The following MBD5 variants were observed in gnomAD, a reference collection of about 807,000 sequenced individuals.
The protein encoded by MBD5 is methyl-CpG-binding domain protein 5.
A neutral mutation model predicts 117.3 loss-of-function variants in MBD5; 13 were observed. That is an observed-to-expected ratio of 0.11 (90% CI 0.07 to 0.18). The LOEUF (loss-of-function observed/expected upper bound fraction) is 0.18. MBD5 is among the 10% of genes least tolerant of loss of function. MBD5 has a pLI of 1.00. For missense variants in MBD5, 1,879 were observed against 2,093.8 expected (o/e 0.90, Z 2.00); for synonymous variants, 727 against 766.4 (o/e 0.95, Z 0.85).
intron 1 of MBD5, among the ~76,000 whole-genome samples, chr2:148,040,545 A>T (rs953542318): frequency 1.3e-5 from 2 of 152,214 alleles, no homozygotes; most frequent in African/African-American, 4.8e-5. Flanking sequence ...TCATTAATTC[A>T]TAATAAGGCA....
chr2:148,151,437 C>T (rs1697663296), intron 1 of MBD5, among the ~76,000 whole-genome samples: 1 of 152,224 alleles, frequency 6.6e-6, no homozygotes, highest in Non-Finnish European at 1.5e-5. Flanking sequence ...GCTTTGGTAT[C>T]AGAATGATGC....
In MBD5 at chr2:148,470,370, C is replaced by T. The variant is rs1680755334; in HGVS notation, c.2427C>T (p.Pro809=). The change falls in exon 8 of 14, where the codon CCC becomes CCT. Residue 809 remains proline (P), a synonymous_variant. Coordinates refer to ENST00000642680, the MANE Select transcript of MBD5 (RefSeq NM_001378120.1). ...SGMALGNSLH[P]NPPQSRISTS... is the part of the protein sequence containing the mutation. ...TGGCTTTAGGAAATTCCTTACATCC[C>T]AATCCACCTCAGTCAAGAATTTCAA... is the stretch of plus-strand genomic sequence containing the variant. The T allele has an allele frequency of 2.5e-6, 4 of 1,613,706 alleles. No individual in the cohort carries two copies. In the East Asian group the frequency reaches 6.7e-5, roughly 27 times the overall value.
intron 3 of MBD5, among the ~76,000 whole-genome samples, chr2:148,281,999 C>T (rs957136956): frequency 7.2e-5 from 11 of 152,274 alleles, no homozygotes; most frequent in Admixed American, 4.6e-4. Flanking sequence ...GTCAGCCTTG[C>T]GTACTACTTT....
intron 4 of MBD5, among the ~76,000 whole-genome samples, chr2:148,397,551 G>A (rs935090845): frequency 6.6e-6 from 1 of 151,956 alleles, no homozygotes; most frequent in Non-Finnish European, 1.5e-5. Context: ...GTATGGTCTC[G>A]ATCTACTGAC....
Position 148,068,962 on chromosome 2 carries a change from T to G in MBD5, c.-925+47278T>G, listed in dbSNP as rs559738620. On this transcript the variant is annotated intron_variant, in intron 1 of 13. Coordinates refer to ENST00000642680, the MANE Select transcript of MBD5 (RefSeq NM_001378120.1). The stretch of plus-strand genomic sequence containing the variant: ...AATAGGTGAGAGAAAATATCACAGT[T>G]TTTTAATAATTGAAAAACACTTAGA... Among the ~76,000 whole-genome samples the G allele has an allele frequency of 4.6e-5, 7 of 152,318 alleles. No individual in the cohort carries two copies. In the South Asian group the frequency reaches 8.3e-4, roughly 18 times the overall value.
intron 4 of MBD5, among the ~76,000 whole-genome samples, chr2:148,353,179 A>C (rs549473041): frequency 6.6e-6 from 1 of 152,264 alleles, no homozygotes; most frequent in East Asian, 1.9e-4. Flanking sequence ...ATGAGAGATA[A>C]AAAAACACTT....
intron 7 of MBD5, among the ~76,000 whole-genome samples, chr2:148,467,281 C>T (rs1304405207): frequency 6.6e-6 from 1 of 152,090 alleles, no homozygotes; most frequent in Non-Finnish European, 1.5e-5. Context: ...AAAAGCGAAA[C>T]CTAGAATTCT....
intron 3 of MBD5, among the ~76,000 whole-genome samples, chr2:148,276,754 C>T: frequency 6.6e-6 from 1 of 152,044 alleles, no homozygotes; most frequent in East Asian, 1.9e-4. Context: ...AAGTAATTTT[C>T]TCTTTCTTGA....
At chr2:148,493,240 T>G (rs1283737807) in intron 11 of MBD5, among the ~76,000 whole-genome samples, 2 of 152,220 alleles carry the variant, frequency 1.3e-5, no homozygotes, top group Non-Finnish European at 2.9e-5. Context: ...ACAATTTTCC[T>G]ACATTATCAC....
intron 2 of MBD5, among the ~76,000 whole-genome samples, chr2:148,228,711 A>G (rs1699903751): frequency 6.6e-6 from 1 of 152,348 alleles, no homozygotes; most frequent in Non-Finnish European, 1.5e-5. Flanking sequence ...TACCTCTGGT[A>G]GAATTCGGCT....
intron 8 of MBD5, among the ~76,000 whole-genome samples, chr2:148,480,545 A>C (rs1392893939): frequency 6.6e-6 from 1 of 152,120 alleles, no homozygotes; most frequent in Non-Finnish European, 1.5e-5. Context: ...CCAGTAAATA[A>C]GACTTTTTAT....
chr2:148,288,769 A>C (rs993915821), intron 3 of MBD5, among the ~76,000 whole-genome samples: 7 of 152,158 alleles, frequency 4.6e-5, no homozygotes, highest in Non-Finnish European at 8.8e-5. Context: ...GGAAAAAAAA[A>C]CAGTAATCTA....
chr2:148,208,413 C>T (rs1406075307), intron 2 of MBD5, among the ~76,000 whole-genome samples: 2 of 152,000 alleles, frequency 1.3e-5, no homozygotes, highest in African/African-American at 4.8e-5. Flanking sequence ...GCTCCAATGC[C>T]AGGCCAATTT....
intron 1 of MBD5, among the ~76,000 whole-genome samples, chr2:148,033,822 A>G (rs1694110788): frequency 6.6e-6 from 1 of 152,252 alleles, no homozygotes; most frequent in Admixed American, 6.5e-5. Flanking sequence ...CTTTTACAGC[A>G]GATTGGCATC....
At chr2:148,344,488 C>T (rs1348296577) in intron 4 of MBD5, among the ~76,000 whole-genome samples, 1 of 151,876 alleles carries the variant, frequency 6.6e-6, no homozygotes, top group Middle Eastern at 3.4e-3. Context: ...GTCTGTGATT[C>T]CTAGCAGTGT....
chr2:148,182,299 C>T (rs1433731329), intron 2 of MBD5, among the ~76,000 whole-genome samples: 1 of 152,060 alleles, frequency 6.6e-6, no homozygotes, highest in Non-Finnish European at 1.5e-5. Context: ...ATAAGGTATT[C>T]ATCCTGTGGT....
chr2:148,203,020 G>A (rs533322530), intron 2 of MBD5, among the ~76,000 whole-genome samples: 108 of 151,006 alleles, frequency 7.2e-4, no homozygotes, highest in African/African-American at 2.3e-3. Context: ...CAGGAGAATC[G>A]CTTGAACTTG....
At chr2:148,402,012 A>T (rs1704937520) in intron 4 of MBD5, among the ~76,000 whole-genome samples, 2 of 151,894 alleles carry the variant, frequency 1.3e-5, no homozygotes. Context: ...CTTGGAAGTG[A>T]TATCCCGTTC....
At chr2:148,276,380 A>G (rs1242557817) in intron 3 of MBD5, among the ~76,000 whole-genome samples, 1 of 152,214 alleles carries the variant, frequency 6.6e-6, no homozygotes, top group Non-Finnish European at 1.5e-5. Context: ...GAATATTTGT[A>G]AACATACTAT....
Sources: allele counts gnomAD v4.1 joint callset (sites outside exome capture counted in the v4.1 genomes callset), GRCh38; gene constraint gnomAD v4.1.1; transcripts MANE v1.5; gene names NCBI Gene and HGNC (gene_info 2026-07-23, HGNC 2026-07-21).